The following CACNA2D3 variants were observed in gnomAD, a reference collection of about 807,000 sequenced individuals.
CACNA2D3 encodes the protein calcium voltage-gated channel auxiliary subunit alpha2delta 3.
In CACNA2D3, 60 loss-of-function variants were observed where a neutral mutation model predicts 160.6. The ratio of observed to expected loss-of-function variants is 0.37; its 90% CI spans 0.30 to 0.46. The LOEUF is 0.46. CACNA2D3 is among the 20% of genes least tolerant of loss of function. The pLI, the probability that CACNA2D3 is intolerant of heterozygous loss-of-function variation, is 1.00. For synonymous variants in CACNA2D3, 558 were observed against 492.9 expected, an observed-to-expected ratio of 1.13 and a Z score of -1.75; for missense variants, 1,205 against 1,365.0, an observed-to-expected ratio of 0.88 and a Z score of 1.85.
chr3:54,458,671 T>G (rs1470594541), intron 4 of CACNA2D3, among the ~76,000 whole-genome samples: 1 of 152,116 alleles, frequency 6.6e-6, no homozygotes, highest in African/African-American at 2.4e-5. Context: ...TTGAATCTGT[T>G]GGAGGTTTCT....
At chr3:54,712,259 G>A (rs1700965787) in intron 11 of CACNA2D3, among the ~76,000 whole-genome samples, 1 of 152,168 alleles carries the variant, frequency 6.6e-6, no homozygotes, top group South Asian at 2.1e-4. Flanking sequence ...GACAGTTCTT[G>A]GAGTCAGAGA....
At chr3:55,007,291 A>G (rs966656) in intron 32 of CACNA2D3, among the ~76,000 whole-genome samples, 140,794 of 152,314 alleles carry the variant, frequency 0.92, 65,250 homozygotes, top group East Asian at 1. Context: ...GTGAGAAAAG[A>G]CAGCTTAAAT....
intron 3 of CACNA2D3, among the ~76,000 whole-genome samples, chr3:54,352,597 G>A (rs1698583152): frequency 1.3e-5 from 2 of 152,182 alleles, no homozygotes; most frequent in Admixed American, 6.5e-5. Context: ...ATCGGATCAG[G>A]CACTTCTGGT....
chr3:54,377,835 A>G (rs568976415), intron 3 of CACNA2D3, among the ~76,000 whole-genome samples: 1 of 152,320 alleles, frequency 6.6e-6, no homozygotes, highest in East Asian at 1.9e-4. Flanking sequence ...TAGGTTCTCA[A>G]CAAGTACTTG....
intron 35 of CACNA2D3, among the ~76,000 whole-genome samples, chr3:55,039,185 C>T (rs1703903609): frequency 6.6e-6 from 1 of 152,098 alleles, no homozygotes; most frequent in Non-Finnish European, 1.5e-5. Context: ...GCACTCATTT[C>T]TTCACCTGTA....
intron 4 of CACNA2D3, among the ~76,000 whole-genome samples, chr3:54,471,794 A>T (rs1451187319): frequency 6.6e-6 from 1 of 152,178 alleles, no homozygotes; most frequent in Admixed American, 6.5e-5. Flanking sequence ...TAAACTAGAA[A>T]ATCTAGAAGA....
chr3:54,727,757 G>A (rs527405635), intron 11 of CACNA2D3, among the ~76,000 whole-genome samples: 4 of 152,290 alleles, frequency 2.6e-5, no homozygotes, highest in African/African-American at 9.6e-5. Flanking sequence ...GGGCCTGTCA[G>A]TGGCTGGTGG....
intron 27 of CACNA2D3, among the ~76,000 whole-genome samples, chr3:54,923,690 G>C (rs1700920302): frequency 6.6e-6 from 1 of 152,176 alleles, no homozygotes; most frequent in African/African-American, 2.4e-5. Context: ...TGAGAGCTAG[G>C]AAGAGTGAAG....
intron 3 of CACNA2D3, among the ~76,000 whole-genome samples, chr3:54,382,732 C>T (rs1203565333): frequency 6.6e-6 from 1 of 152,196 alleles, no homozygotes; most frequent in South Asian, 2.1e-4. Context: ...TGCAGTGAGC[C>T]GAGATCACGC....
At chr3:54,736,061 GTATATATA>G (rs1368581616) in intron 11 of CACNA2D3, among the ~76,000 whole-genome samples, 2 of 24,490 alleles carry the variant, frequency 8.2e-5, no homozygotes, top group African/African-American at 3.1e-4. Context: ...ACATATGTAT[GTATATATA>G]TATACATATA....
At chr3:54,763,770 T>TATATATATGTAC (rs1553838583) in intron 12 of CACNA2D3, among the ~76,000 whole-genome samples, 1 of 2,624 alleles carries the variant, frequency 3.8e-4, no homozygotes, top group Non-Finnish European at 1.0e-3. Flanking sequence ...CATATATATG[T>TATATATATGTAC]ATATATGTAC....
chr3:54,284,664 G>A (rs1305829731), intron 2 of CACNA2D3, among the ~76,000 whole-genome samples: 7 of 152,128 alleles, frequency 4.6e-5, no homozygotes, highest in Non-Finnish European at 2.9e-5. Context: ...AATGAATTTT[G>A]GTGGAATAGA....
At chr3:54,990,149 C>T (rs1171964856) in intron 31 of CACNA2D3, among the ~76,000 whole-genome samples, 1 of 152,204 alleles carries the variant, frequency 6.6e-6, no homozygotes, top group Non-Finnish European at 1.5e-5. Context: ...GATCAGTTTA[C>T]TGTGCTGACC....
chr3:54,391,699 C>T (rs974630226), intron 4 of CACNA2D3, among the ~76,000 whole-genome samples: 2 of 151,998 alleles, frequency 1.3e-5, no homozygotes, highest in East Asian at 3.9e-4. Flanking sequence ...TTTGTGGATA[C>T]CGGGTTTCAC....
At chr3:55,025,952 TA>T (rs1703556963) in intron 35 of CACNA2D3, among the ~76,000 whole-genome samples, 1 of 151,970 alleles carries the variant, frequency 6.6e-6, no homozygotes, top group Admixed American at 6.6e-5. Context: ...TTTTTTTTTT[TA>T]GTAAACATTT....
intron 3 of CACNA2D3, among the ~76,000 whole-genome samples, chr3:54,384,196 A>G (rs1699152189): frequency 6.6e-6 from 1 of 151,844 alleles, no homozygotes; most frequent in African/African-American, 2.4e-5. Context: ...TCATTTAAAC[A>G]TTTTATCAAC....
At chr3:55,017,417 T>C (rs1461901982) in intron 34 of CACNA2D3, among the ~76,000 whole-genome samples, 5 of 152,232 alleles carry the variant, frequency 3.3e-5, no homozygotes, top group African/African-American at 1.2e-4. Flanking sequence ...ATGCTACCGT[T>C]ATCTTTGTTG....
chr3:54,629,240 T>C (rs1238495478), intron 10 of CACNA2D3, among the ~76,000 whole-genome samples: 1 of 151,870 alleles, frequency 6.6e-6, no homozygotes, highest in Non-Finnish European at 1.5e-5. Flanking sequence ...GGCAGGCTGT[T>C]GTCATTTTGC....
At chr3:54,856,199 C>T (rs1028796686) in intron 17 of CACNA2D3, among the ~76,000 whole-genome samples, 2 of 152,094 alleles carry the variant, frequency 1.3e-5, no homozygotes, top group Non-Finnish European at 2.9e-5. Context: ...TGTAGGAAAT[C>T]GAGCACACAA....
Sources: gnomAD v4.1 joint callset for allele counts (sites outside exome capture counted in the v4.1 genomes callset) on GRCh38, gnomAD v4.1.1 for gene constraint, MANE v1.5 for transcripts, NCBI Gene and HGNC (gene_info 2026-07-23, HGNC 2026-07-21) for gene names.